H1-3: variants seen among roughly 807,000 people sequenced by gnomAD.
H1-3 encodes H1.3 linker histone, cluster member.
H1-3 carries 4 observed loss-of-function variants against 3.6 expected under a neutral mutation model. The ratio of observed to expected loss-of-function variants is 1.12; its 90% CI spans 0.55 to 2.57. H1-3 has a LOEUF of 2.57. Ranked by LOEUF, H1-3 falls within the 30% of genes most tolerant of loss-of-function variation. The pLI is 0.02. For synonymous variants in H1-3, 266 were observed against 110.0 expected (o/e 2.42, Z -8.87); for missense variants, 670 against 274.3 (o/e 2.44, Z -10.19).
rs1047422471 is a variant in H1-3, at chr6:26,234,985, C to A, written c.-52G>T. The A allele has an allele frequency of 9.3e-6, 14 of 1,505,094 alleles. No individual in the cohort carries two copies. In the African/African-American group the frequency reaches 1.7e-4, roughly 18 times the overall value. 93.2% of individuals were successfully genotyped at this position (1,505,094 alleles called of 1,614,324 possible). A position where few individuals can be genotyped will look rare whatever the true frequency, so the allele number is the denominator to read the frequency against. ...AAGTAATCTCAAACTGTCAGAACAG[C>A]ATGTCCTCTACGAGGGAGGCTGAGG... On this transcript the variant is annotated 5_prime_UTR_variant, in exon 1 of 1. The change abolishes an upstream ATG in the 5' untranslated region. Coordinates refer to ENST00000244534, the MANE Select transcript of H1-3 (RefSeq NM_005320.3).
rs766988164 is a variant in H1-3, at chr6:26,234,894, G to A, written c.40C>T (p.Pro14Ser). Residue 14 changes from proline to serine, a missense_variant, in exon 1 of 1, where the codon CCC (proline) becomes TCC (serine). Transcript: ENST00000244534. ...TAPLAPTIPAPAEKTPVKKKA... is the reference protein window; with the variant it reads ...TAPLAPTIPASAEKTPVKKKA... ...TTCTTCACAGGTGTTTTTTCTGCGG[G>A]TGCAGGAATGGTAGGAGCAAGTGGA... The A allele has an allele frequency of 5.6e-6, 9 of 1,612,460 alleles. No individual in the cohort carries two copies. The highest frequency in any genetic ancestry group is 3.4e-5 in the Admixed American group (2 of 59,518).
chr6:26,234,860 T>G lies in H1-3; in HGVS notation c.74A>C (p.Lys25Thr). The G allele has an allele frequency of 6.2e-7, 1 of 1,614,006 alleles. No homozygotes were observed. Residue 25 changes from lysine (K) to threonine (T), a missense_variant, in exon 1 of 1, where the codon AAG (lysine) becomes ACG (threonine). Physicochemically the swap from Lys to Thr is moderately conservative, Grantham distance 78 (BLOSUM62 -1). Coordinates refer to ENST00000244534, the MANE Select transcript of H1-3 (RefSeq NM_005320.3). ...TTTCCCAGCAGTTGCGCCTGCCTTC[T>G]TCGCCTTTTTCTTCACAGGTGTTTT... ...AEKTPVKKKA[K>T]KAGATAGKRK...
Position 26,234,664 on chromosome 6 carries a change from G to C in H1-3, c.270C>G (p.Ser90Arg). ...CTTTGGTCTGCACCAGAGTACCTTTGCTCACCAAGCTCTTGAGGCCAAGCT... is the reference window on the plus strand; with the variant it reads ...CTTTGGTCTGCACCAGAGTACCTTTCCTCACCAAGCTCTTGAGGCCAAGCT... ...RIKLGLKSLV[S>R]KGTLVQTKGT... Residue 90 changes from serine to arginine, a missense_variant, in exon 1 of 1, where the codon AGC (serine) becomes AGG (arginine). Coordinates refer to ENST00000244534, the MANE Select transcript of H1-3 (RefSeq NM_005320.3). The C allele has an allele frequency of 6.2e-7, 1 of 1,614,176 alleles. No individual in the cohort carries two copies. Among genetic ancestry groups the C allele is most frequent in the Non-Finnish European group, 8.5e-7 (1 of 1,180,028 alleles).
chr6:26,234,614 T>C lies in H1-3; in HGVS notation c.320A>G (p.Lys107Arg), dbSNP rs1312462625. 2.5e-6 allele frequency: 4 copies of C among 1,614,008 alleles called. No individual in the cohort carries two copies. Among genetic ancestry groups the C allele is most frequent in the East Asian group, 2.2e-5 (1 of 44,894 alleles). The change falls in exon 1 of 1, where the codon AAA becomes AGA. Residue 107 changes from lysine to arginine, a missense_variant. Transcript: ENST00000244534. ...CCCGGAAGCCGCTTTCTTGTTGAGT[T>C]TGAAGGAGCCAGAAGCACCGGTACC... ...TKGTGASGSF[K>R]LNKKAASGEG...
In H1-3 at chr6:26,234,246, A is replaced by T; in HGVS notation, c.*22T>A. ...CTGAAAAGAGCCGTTTAAAATTTTCAAAGGGGAACGTCCCGCCAGTTTCAC... is the reference window on the plus strand; with the variant it reads ...CTGAAAAGAGCCGTTTAAAATTTTCTAAGGGGAACGTCCCGCCAGTTTCAC... On this transcript the variant is annotated 3_prime_UTR_variant, in exon 1 of 1. Coordinates refer to ENST00000244534, the MANE Select transcript of H1-3 (RefSeq NM_005320.3). 1 of 1,574,024 alleles carries T rather than the reference A, an allele frequency of 6.4e-7. No homozygotes were observed.
chr6:26,234,215 G>A lies in H1-3; in HGVS notation c.*53C>T. 6 of 1,513,418 alleles carry A rather than the reference G, an allele frequency of 4.0e-6. No homozygotes were observed. The highest frequency in any genetic ancestry group is 1.8e-6 in the Non-Finnish European group (2 of 1,124,500). 93.7% of individuals were successfully genotyped at this position (1,513,418 alleles called of 1,614,324 possible). ...CAGCTCTTTTGACTGAGACCTGTGGGTGGCTCTGAAAAGAGCCGTTTAAAA... is the reference window on the plus strand; with the variant it reads ...CAGCTCTTTTGACTGAGACCTGTGGATGGCTCTGAAAAGAGCCGTTTAAAA... On this transcript the variant is annotated 3_prime_UTR_variant, in exon 1 of 1. Coordinates refer to ENST00000244534, the MANE Select transcript of H1-3 (RefSeq NM_005320.3).
chr6:26,234,383 T>A lies in H1-3; in HGVS notation c.551A>T (p.Lys184Ile). ...SAKKVKTPQP[K>I]KAAKSPAKAK... Reference sequence around the variant, plus strand: ...CTTAGCTGGACTCTTGGCAGCTTTTTTTGGCTGAGGTGTTTTCACCTTTTT... The same window carrying A: ...CTTAGCTGGACTCTTGGCAGCTTTTATTGGCTGAGGTGTTTTCACCTTTTT... The change falls in exon 1 of 1, where the codon AAA becomes ATA. Residue 184 changes from lysine (K) to isoleucine (I), a missense_variant. Physicochemically the swap from Lys to Ile is moderately radical, Grantham distance 102. Coordinates refer to ENST00000244534, the MANE Select transcript of H1-3 (RefSeq NM_005320.3). The A allele has an allele frequency of 6.2e-7, 1 of 1,614,234 alleles. No individual in the cohort carries two copies. The highest frequency in any genetic ancestry group is 8.5e-7 in the Non-Finnish European group (1 of 1,180,014).
Position 26,234,564 on chromosome 6 carries a change from C to A in H1-3, c.370G>T (p.Ala124Ser), listed in dbSNP as rs758150131. ...GGCTTCCTAGGCTTGGCTGCGCCAG[C>A]CTTTTTGGCCTTGGGTTTGCCTTCC... is the stretch of plus-strand genomic sequence containing the variant. ...SGEGKPKAKK[A>S]GAAKPRKPAG... The change falls in exon 1 of 1, where the codon GCT becomes TCT. Residue 124 changes from alanine (A) to serine (S), a missense_variant. Coordinates refer to ENST00000244534, the MANE Select transcript of H1-3 (RefSeq NM_005320.3). 1.9e-6 allele frequency: 3 copies of A among 1,612,780 alleles called. No individual in the cohort carries two copies. Among genetic ancestry groups the A allele is most frequent in the Admixed American group, 1.7e-5 (1 of 59,748 alleles).
In H1-3 at chr6:26,234,711, C is replaced by G; in HGVS notation, c.223G>C (p.Glu75Gln). 6.2e-7 allele frequency: 1 copy of G among 1,613,272 alleles called. No homozygotes were observed. ...KALAAAGYDV[E>Q]KNNSRIKLGL... ...AGCTTGATACGGCTGTTGTTTTTTT[C>G]TACATCGTAGCCAGCAGCCGCAAGC... Residue 75 changes from glutamate to glutamine, a missense_variant, in exon 1 of 1, where the codon GAA (glutamate) becomes CAA (glutamine). Physicochemically the swap from Glu to Gln is conservative, Grantham distance 29. Coordinates refer to ENST00000244534, the MANE Select transcript of H1-3 (RefSeq NM_005320.3).
chr6:26,234,576 T>G lies in H1-3; in HGVS notation c.358A>C (p.Lys120Gln). ...KKAASGEGKP[K>Q]AKKAGAAKPR... is the part of the protein sequence containing the mutation. ...TTGGCTGCGCCAGCCTTTTTGGCCT[T>G]GGGTTTGCCTTCCCCGGAAGCCGCT... Residue 120 changes from lysine (K) to glutamine (Q), a missense_variant, in exon 1 of 1, where the codon AAG becomes CAG. Transcript: ENST00000244534. 1 of 1,613,538 alleles carries G rather than the reference T, an allele frequency of 6.2e-7. No individual in the cohort carries two copies. Among genetic ancestry groups the G allele is most frequent in the Non-Finnish European group, 8.5e-7 (1 of 1,179,932 alleles).
Position 26,234,479 on chromosome 6 carries a change from A to C in H1-3, c.455T>G (p.Ile152Ser), listed in dbSNP as rs1398258407. 1.9e-6 allele frequency: 3 copies of C among 1,613,854 alleles called. No individual in the cohort carries two copies. Among genetic ancestry groups the C allele is most frequent in the Non-Finnish European group, 2.5e-6 (3 of 1,179,990 alleles). The change falls in exon 1 of 1, where the codon ATC (isoleucine) becomes AGC (serine). Residue 152 changes from isoleucine (I) to serine (S), a missense_variant. Coordinates refer to ENST00000244534, the MANE Select transcript of H1-3 (RefSeq NM_005320.3). ...VAGAATPKKS[I>S]KKTPKKVKKP... ...CTTTACCTTCTTAGGAGTCTTTTTG[A>C]TGCTTTTCTTCGGGGTAGCGGCGCC...
At position 26,234,511 on chromosome 6, in the gene H1-3, C is replaced by T. The variant is rs201992581; in HGVS notation, c.423G>A (p.Lys141=). The change falls in exon 1 of 1, where the codon AAG becomes AAA. Residue 141 remains lysine (K), a synonymous_variant. Transcript: ENST00000244534. ...TCTTCGGGGTAGCGGCGCCAGCCACCTTCTTGGGCTTCTTGGCTGCCCCAG... is the reference window on the plus strand; with the variant it reads ...TCTTCGGGGTAGCGGCGCCAGCCACTTTCTTGGGCTTCTTGGCTGCCCCAG... ...KPAGAAKKPK[K]VAGAATPKKS... 9 of 1,613,758 alleles carry T rather than the reference C, an allele frequency of 5.6e-6. No homozygotes were observed. The highest frequency in any genetic ancestry group is 4.5e-5 in the East Asian group (2 of 44,882).
chr6:26,234,538 A>G lies in H1-3; in HGVS notation c.396T>C (p.Pro132=), dbSNP rs752526833. ...TCTTGGGCTTCTTGGCTGCCCCAGC[A>G]GGCTTCCTAGGCTTGGCTGCGCCAG... ...KKAGAAKPRK[P]AGAAKKPKKV... is the part of the protein sequence containing the mutation. Residue 132 remains proline, a synonymous_variant, in exon 1 of 1, where the codon CCT becomes CCC. Transcript: ENST00000244534. The G allele has an allele frequency of 3.7e-6, 6 of 1,612,176 alleles. No homozygotes were observed. In the African/African-American group the frequency reaches 8.0e-5, roughly 22 times the overall value.
rs757014060 is a variant in H1-3, at chr6:26,234,277, C to T, written c.657G>A (p.Lys219=). ...KVTKAKKAAP[K]KK ...GAACGTCCCGCCAGTTTCACTTTTT[C>T]TTCGGAGCTGCCTTCTTTGCCTTTG... Residue 219 remains lysine, a synonymous_variant, in exon 1 of 1, where the codon AAG becomes AAA. Coordinates refer to ENST00000244534, the MANE Select transcript of H1-3 (RefSeq NM_005320.3). 1.9e-6 allele frequency: 3 copies of T among 1,584,612 alleles called. No individual in the cohort carries two copies. The highest frequency in any genetic ancestry group is 8.5e-7 in the Non-Finnish European group (1 of 1,171,052).
rs144214198 is a variant in H1-3, at chr6:26,234,360, T to C, written c.574A>G (p.Lys192Glu). The change falls in exon 1 of 1, where the codon AAG becomes GAG. Residue 192 changes from lysine to glutamate, a missense_variant. Lys to Glu is a moderately conservative substitution (Grantham distance 56, BLOSUM62 1). Coordinates refer to ENST00000244534, the MANE Select transcript of H1-3 (RefSeq NM_005320.3). ...GCCTTGGGCTTAGGGGCTTTGGCCT[T>C]AGCTGGACTCTTGGCAGCTTTTTTT... ...QPKKAAKSPA[K>E]AKAPKPKAAK... 7.4e-6 allele frequency: 12 copies of C among 1,614,134 alleles called. No homozygotes were observed. Among genetic ancestry groups the C allele is most frequent in the Non-Finnish European group, 9.3e-6 (11 of 1,180,048 alleles).
At position 26,234,460 on chromosome 6, in the gene H1-3, C is replaced by G. The variant is rs756684143; in HGVS notation, c.474G>C (p.Lys158Asn). The G allele has an allele frequency of 1.9e-6, 3 of 1,614,010 alleles. No homozygotes were observed. Among genetic ancestry groups the G allele is most frequent in the South Asian group, 2.2e-5 (2 of 91,084 alleles). Residue 158 changes from lysine (K) to asparagine (N), a missense_variant, in exon 1 of 1, where the codon AAG becomes AAC. By Grantham distance (94) the Lys-to-Asn change is moderately conservative. Coordinates refer to ENST00000244534, the MANE Select transcript of H1-3 (RefSeq NM_005320.3). ...PKKSIKKTPK[K>N]VKKPATAAGT... ...CAGCAGCGGTTGCTGGCTTCTTTAC[C>G]TTCTTAGGAGTCTTTTTGATGCTTT...
Position 26,234,910 on chromosome 6 carries a change from A to G in H1-3, c.24T>C (p.Ala8=). MSETAPL[A]PTIPAPAEKT... ...TTTCTGCGGGTGCAGGAATGGTAGG[A>G]GCAAGTGGAGCAGTCTCCGACATGT... is the stretch of plus-strand genomic sequence containing the variant. The change falls in exon 1 of 1, where the codon GCT becomes GCC. Residue 8 remains alanine, a synonymous_variant. Coordinates refer to ENST00000244534, the MANE Select transcript of H1-3 (RefSeq NM_005320.3). 6.2e-7 allele frequency: 1 copy of G among 1,608,430 alleles called. No homozygotes were observed. Among genetic ancestry groups the G allele is most frequent in the Non-Finnish European group, 8.5e-7 (1 of 1,178,174 alleles).
Position 26,234,766 on chromosome 6 carries a change from G to A in H1-3, c.168C>T (p.Ser56=), listed in dbSNP as rs754681281. Residue 56 remains serine (S), a synonymous_variant, in exon 1 of 1, where the codon AGC becomes AGT. Transcript: ENST00000244534. ...TCTTAAGCGCGGCCAGAGAAACGCCGCTGCGCTCCTTAGAAGCTGCCACTG... is the reference window on the plus strand; with the variant it reads ...TCTTAAGCGCGGCCAGAGAAACGCCACTGCGCTCCTTAGAAGCTGCCACTG... The part of the protein sequence containing the change: ...TKAVAASKER[S]GVSLAALKKA... 3.1e-6 allele frequency: 5 copies of A among 1,614,206 alleles called. No individual in the cohort carries two copies. Among genetic ancestry groups the A allele is most frequent in the South Asian group, 1.1e-5 (1 of 91,082 alleles).
Position 26,234,323 on chromosome 6 carries a change from T to A in H1-3, c.611A>T (p.Lys204Met), listed in dbSNP as rs1242294818. The change falls in exon 1 of 1, where the codon AAG becomes ATG. Residue 204 changes from lysine (K) to methionine (M), a missense_variant. By Grantham distance (95) the Lys-to-Met change is moderately conservative. Coordinates refer to ENST00000244534, the MANE Select transcript of H1-3 (RefSeq NM_005320.3). Reference sequence around the variant, plus strand: ...CTTTGTAACCTTCGGCTTCCCCGACTTAGGCTTGGCCGCCTTGGGCTTAGG... The same window carrying A: ...CTTTGTAACCTTCGGCTTCCCCGACATAGGCTTGGCCGCCTTGGGCTTAGG... ...KAPKPKAAKPKSGKPKVTKAK... is the reference protein window; with the variant it reads ...KAPKPKAAKPMSGKPKVTKAK... 1.2e-6 allele frequency: 2 copies of A among 1,612,948 alleles called. No homozygotes were observed. The highest frequency in any genetic ancestry group is 1.7e-6 in the Non-Finnish European group (2 of 1,179,688).
Sources: allele counts gnomAD v4.1 joint callset, GRCh38; gene constraint gnomAD v4.1.1; transcripts MANE v1.5; gene names NCBI Gene and HGNC (gene_info 2026-07-23, HGNC 2026-07-21).